The following SPTBN4 variants were observed in gnomAD, a reference collection of about 807,000 sequenced individuals.
The protein encoded by SPTBN4 is spectrin beta, non-erythrocytic 4.
SPTBN4 carries 96 observed loss-of-function variants against 277.8 expected under a neutral mutation model. The ratio of observed to expected loss-of-function variants is 0.35; its 90% CI spans 0.29 to 0.41. The LOEUF (loss-of-function observed/expected upper bound fraction) is 0.41. Ranked by LOEUF, SPTBN4 falls within the 10% of genes least tolerant of loss-of-function variation. The probability of loss-of-function intolerance (pLI) is 1.00; values close to 1 mark genes in which losing one functional copy is unlikely to be tolerated. For missense variants in SPTBN4, 3,006 were observed against 3,595.7 expected (o/e 0.84, Z 4.19); for synonymous variants, 1,481 against 1,580.3 (o/e 0.94, Z 1.49).
In SPTBN4 at chr19:40,472,731, C is replaced by G; in HGVS notation, c.110C>G (p.Pro37Arg). The change falls in exon 2 of 36, where the codon CCG becomes CGG. Residue 37 changes from proline to arginine, a missense_variant. Transcript: ENST00000598249. ...GATCGGGGCTGGGAGCGGGAGCAGC[C>G]GGCTGCGTCCACCGCAGCGGCCTCG... Reference protein sequence around the residue: ...SPDRGWEREQPAASTAAASLF... With the variant: ...SPDRGWEREQRAASTAAASLF... 6.2e-7 allele frequency: 1 copy of G among 1,607,952 alleles called. No individual in the cohort carries two copies. The highest frequency in any genetic ancestry group is 8.5e-7 in the Non-Finnish European group (1 of 1,177,178).
chr19:40,513,554 G>A lies in SPTBN4; in HGVS notation c.2765G>A (p.Arg922Gln). 6.4e-7 allele frequency: 1 copy of A among 1,563,028 alleles called. No homozygotes were observed. Among genetic ancestry groups the A allele is most frequent in the Non-Finnish European group, 8.6e-7 (1 of 1,159,008 alleles). ...GACGACGTCGAGGTGGTGCAGCACC[G>A]GTGAGCGCGCACATGTGGGACTCCG... ...SLDDVEVVQH[R>Q]FESLDQEMNS... The change falls in exon 14 of 36, where the codon CGA becomes CAA. Residue 922 changes from arginine (R) to glutamine (Q), a missense_variant and splice_region_variant. Arg to Gln is a conservative substitution (Grantham distance 43). This residue lies in a region of SPTBN4 where 1,759 missense variants were observed against 2,061.5 expected (regional missense o/e 0.85). Transcript: ENST00000598249.
rs2079835797 is a variant in SPTBN4 at position 40,467,324 on chromosome 19, C to G, written c.-16+19C>G. On this transcript the variant is annotated intron_variant, in intron 1 of 35. Transcript: ENST00000598249. The stretch of plus-strand genomic sequence containing the variant: ...GGCCCAGGTGAGCTGCTAGGGGGGC[C>G]GACAGCCCCTCCCCCAAGTATGTCC... 6.6e-6 allele frequency: 1 copy of G among 152,206 alleles called. No individual in the cohort carries two copies. Among genetic ancestry groups the G allele is most frequent in the Non-Finnish European group, 1.5e-5 (1 of 67,998 alleles). 9.4% of individuals were successfully genotyped at this position (152,206 alleles called of 1,614,324 possible). A position where few individuals can be genotyped will look rare whatever the true frequency, so the allele number is the denominator to read the frequency against.
chr19:40,538,171 T>C (rs1231623680), intron 20 of SPTBN4, among the ~76,000 whole-genome samples: 3 of 146,064 alleles, frequency 2.1e-5, no homozygotes, highest in Admixed American at 2.0e-4. Context: ...GGTGGTTCAC[T>C]TGAGATCAGG....
chr19:40,491,140 G>T (rs1474266457), intron 4 of SPTBN4, among the ~76,000 whole-genome samples: 1 of 152,178 alleles, frequency 6.6e-6, no homozygotes, highest in African/African-American at 2.4e-5. Flanking sequence ...AGATATGGTG[G>T]TCAGAAGAGG....
chr19:40,489,236 G>GAAAGAAAGAA (rs1376540676), intron 3 of SPTBN4, among the ~76,000 whole-genome samples: 1 of 145,632 alleles, frequency 6.9e-6, no homozygotes, highest in African/African-American at 2.5e-5. Context: ...AAAAAAGAAA[G>GAAAGAAAGAA]AAAAAAAAGA....
rs1220053875 is a variant in SPTBN4 at position 40,549,250 on chromosome 19, C to T, written c.4421C>T (p.Ala1474Val). The change falls in exon 21 of 36, where the codon GCG becomes GTG. Residue 1474 changes from alanine (A) to valine (V), a missense_variant. By Grantham distance (64) the Ala-to-Val change is moderately conservative. This residue lies in a region of SPTBN4 where 1,759 missense variants were observed against 2,061.5 expected (regional missense o/e 0.85). Coordinates refer to ENST00000598249, the MANE Select transcript of SPTBN4 (RefSeq NM_020971.3). ...GTGGGAGAGCTGCAGGCGCAGACGGCGGCGCTGCCGCTGGAGCCGGCGAGC... is the reference window on the plus strand; with the variant it reads ...GTGGGAGAGCTGCAGGCGCAGACGGTGGCGCTGCCGCTGGAGCCGGCGAGC... ...REVGELQAQT[A>V]ALPLEPASKE... is the part of the protein sequence containing the mutation. 1 of 1,547,022 alleles carries T rather than the reference C, an allele frequency of 6.5e-7. No homozygotes were observed. Among genetic ancestry groups the T allele is most frequent in the Admixed American group, 2.0e-5 (1 of 50,952 alleles).
At chr19:40,536,096 A>G (rs2080732394) in intron 20 of SPTBN4, among the ~76,000 whole-genome samples, 1 of 152,178 alleles carries the variant, frequency 6.6e-6, no homozygotes, top group Non-Finnish European at 1.5e-5. Context: ...TTGGGGGAAC[A>G]AGCAAAAGAA....
intron 31 of SPTBN4, among the ~76,000 whole-genome samples, chr19:40,569,309 C>G (rs2081126814): frequency 6.6e-6 from 1 of 151,714 alleles, no homozygotes; most frequent in African/African-American, 2.4e-5. Flanking sequence ...CCTGTAGTAC[C>G]AGCTACTTGG....
intron 5 of SPTBN4, among the ~76,000 whole-genome samples, chr19:40,494,690 C>T (rs2080175950): frequency 1.3e-5 from 2 of 151,716 alleles, no homozygotes; most frequent in South Asian, 4.2e-4. Context: ...CTCTACTCAC[C>T]ATCTATCACC....
chr19:40,575,463 C>T lies in SPTBN4; in HGVS notation c.7589C>T (p.Ala2530Val). Residue 2530 changes from alanine to valine, a missense_variant, in exon 36 of 36, where the codon GCA becomes GTA. Physicochemically the swap from Ala to Val is moderately conservative, Grantham distance 64 (BLOSUM62 0). This residue lies in a region of SPTBN4 where 630 missense variants were observed against 677.6 expected (regional missense o/e 0.93). Coordinates refer to ENST00000598249, the MANE Select transcript of SPTBN4 (RefSeq NM_020971.3). ...GTAGCTTCCTCGGTGGCGGAACACG[C>T]AGAGATCGCCCGCTGGGGCCAGACA... ...EAVASSVAEH[A>V]EIARWGQTLP... The T allele has an allele frequency of 6.2e-7, 1 of 1,613,326 alleles. No individual in the cohort carries two copies. The highest frequency in any genetic ancestry group is 8.5e-7 in the Non-Finnish European group (1 of 1,179,864).
chr19:40,489,806 T>G (rs2080116321), intron 3 of SPTBN4, among the ~76,000 whole-genome samples: 2 of 152,006 alleles, frequency 1.3e-5, no homozygotes, highest in Admixed American at 6.6e-5. Flanking sequence ...AGGTTCGAAG[T>G]GGGGCGCCCG....
chr19:40,486,024 T>TAACAC (rs2080068423), intron 2 of SPTBN4, among the ~76,000 whole-genome samples: 1 of 149,848 alleles, frequency 6.7e-6, no homozygotes, highest in African/African-American at 2.5e-5. Context: ...GCGCAGTGGC[T>TAACAC]AACACCTGTA....
At chr19:40,510,860 A>G (rs1314075411) in intron 13 of SPTBN4, among the ~76,000 whole-genome samples, 1 of 151,860 alleles carries the variant, frequency 6.6e-6, no homozygotes, top group African/African-American at 2.4e-5. Context: ...AGAAACTTAG[A>G]AAAAAAATTA....
rs1255588905 is a variant in SPTBN4 at position 40,549,343 on chromosome 19, A to G, written c.4514A>G (p.Gln1505Arg). The change falls in exon 21 of 36, where the codon CAG (glutamine) becomes CGG (arginine). Residue 1505 changes from glutamine (Q) to arginine (R), a missense_variant. By Grantham distance (43) the Gln-to-Arg change is conservative. Coordinates refer to ENST00000598249, the MANE Select transcript of SPTBN4 (RefSeq NM_020971.3). The part of the protein sequence containing the change: ...ERLVRLLEPL[Q>R]ERRRLLLASK... The stretch of plus-strand genomic sequence containing the variant: ...CTGGTGCGCCTGCTCGAGCCGTTGC[A>G]GGAGCGCCGCCGCTTGCTGCTGGCT... The G allele has an allele frequency of 6.5e-7, 1 of 1,535,132 alleles. No individual in the cohort carries two copies.
intron 2 of SPTBN4, among the ~76,000 whole-genome samples, chr19:40,474,409 C>G (rs2079923616): frequency 6.6e-6 from 1 of 151,384 alleles, no homozygotes; most frequent in African/African-American, 2.4e-5. Flanking sequence ...CTTGGGCCAA[C>G]CAGTACAGTG....
chr19:40,542,674 G>T (rs996231373), intron 20 of SPTBN4, among the ~76,000 whole-genome samples: 4 of 144,770 alleles, frequency 2.8e-5, no homozygotes, highest in African/African-American at 1.0e-4. Context: ...CTGCTTCTCT[G>T]TCCCATGTTT....
intron 2 of SPTBN4, among the ~76,000 whole-genome samples, chr19:40,477,057 C>T (rs1388804592): frequency 6.8e-6 from 1 of 147,566 alleles, no homozygotes; most frequent in Non-Finnish European, 1.5e-5. Context: ...TTATCATTAT[C>T]ATTATTATTA....
intron 2 of SPTBN4, among the ~76,000 whole-genome samples, chr19:40,481,450 C>G (rs1301173306): frequency 6.6e-6 from 1 of 152,068 alleles, no homozygotes; most frequent in African/African-American, 2.4e-5. Flanking sequence ...CTGTGCACCC[C>G]ACCCTTGCGA....
intron 7 of SPTBN4, among the ~76,000 whole-genome samples, chr19:40,499,059 G>T (rs905211361): frequency 3.3e-5 from 5 of 151,582 alleles, no homozygotes; most frequent in African/African-American, 1.2e-4. Flanking sequence ...ACAGAGCCTC[G>T]CTCTGTCACT....
Sources: gnomAD v4.1 joint callset for allele counts (sites outside exome capture counted in the v4.1 genomes callset) on GRCh38, gnomAD v4.1.1 for gene constraint, gnomAD v4.1.1 regional missense constraint, MANE v1.5 for transcripts, NCBI Gene and HGNC (gene_info 2026-07-23, HGNC 2026-07-21) for gene names.